The following GSG1L variants were observed in gnomAD, a reference collection of about 807,000 sequenced individuals.
GSG1L encodes the protein GSG1 like, also known as germ cell-specific gene 1-like protein.
Under a neutral mutation model 42.1 loss-of-function variants are expected in GSG1L, and 24 were observed. The ratio of observed to expected loss-of-function variants is 0.57; its 90% CI spans 0.41 to 0.80. The LOEUF (loss-of-function observed/expected upper bound fraction) is 0.80. Among genes scored for constraint, GSG1L ranks in the 30% least tolerant of loss-of-function variants. GSG1L has a pLI of 0.00. For missense variants in GSG1L, 445 were observed against 472.2 expected, an observed-to-expected ratio of 0.94 and a Z score of 0.53; for synonymous variants, 215 against 203.5, an observed-to-expected ratio of 1.06 and a Z score of -0.48.
rs117139826 is a variant in GSG1L at position 28,025,630 on chromosome 16, T to C, written c.349+37446A>G. Among the ~76,000 whole-genome samples the C allele has an allele frequency of 8.8e-3, 1,333 of 152,288 alleles. 11 individuals carry two copies. Among genetic ancestry groups the C allele is most frequent in the Non-Finnish European group, 0.015 (1,029 of 68,016 alleles). On this transcript the variant is annotated intron_variant, in intron 1 of 6. Transcript: ENST00000447459. Reference sequence around the variant, plus strand: ...TGCCTGCCCCAGCAGCAAGACATAATTGGCTTTCAATGTATGTCAGATAAA... The same window carrying C: ...TGCCTGCCCCAGCAGCAAGACATAACTGGCTTTCAATGTATGTCAGATAAA...
At chr16:28,047,971 C>T (rs1392542382) in intron 1 of GSG1L, among the ~76,000 whole-genome samples, 2 of 151,054 alleles carry the variant, frequency 1.3e-5, no homozygotes, top group African/African-American at 4.9e-5. Context: ...GTAATCCTAG[C>T]ACTTTGGGAG....
rs1004003242 is a variant in GSG1L at position 28,059,197 on chromosome 16, G to A, written c.349+3879C>T. Reference sequence around the variant, plus strand: ...CTGGGAGTTTCCTGCCTGAAACCACGCTGCTAGTAAGAGGCTGAGCCCAGC... The same window carrying A: ...CTGGGAGTTTCCTGCCTGAAACCACACTGCTAGTAAGAGGCTGAGCCCAGC... On this transcript the variant is annotated intron_variant, in intron 1 of 6. Coordinates refer to ENST00000447459, the MANE Select transcript of GSG1L (RefSeq NM_001109763.2). This position sits in a 1 kb window ranked among gnomAD's most constrained non-coding sequence, Gnocchi z 4.4. 1.3e-5 allele frequency among the ~76,000 whole-genome samples: 2 copies of A among 152,054 alleles called. No individual in the cohort carries two copies. Among genetic ancestry groups the A allele is most frequent in the Admixed American group, 6.6e-5 (1 of 15,262 alleles).
chr16:27,970,805 C>T (rs1297459707), intron 1 of GSG1L, among the ~76,000 whole-genome samples: 1 of 152,016 alleles, frequency 6.6e-6, no homozygotes, highest in Non-Finnish European at 1.5e-5. Flanking sequence ...ATTTATGTCT[C>T]TTATCCATTT....
chr16:27,808,454 TG>T (rs1368185504), intron 5 of GSG1L, among the ~76,000 whole-genome samples: 1 of 151,366 alleles, frequency 6.6e-6, no homozygotes, highest in Non-Finnish European at 1.5e-5. Flanking sequence ...AGTCTCGCTC[TG>T]TTGCCCAGGC....
chr16:27,983,020 T>C (rs1414909275), intron 1 of GSG1L, among the ~76,000 whole-genome samples: 1 of 152,110 alleles, frequency 6.6e-6, no homozygotes, highest in Non-Finnish European at 1.5e-5. Flanking sequence ...TGTGCTGACA[T>C]GTTACATGAG....
At chr16:27,928,995 T>C (rs1055895009) in intron 2 of GSG1L, among the ~76,000 whole-genome samples, 1 of 152,202 alleles carries the variant, frequency 6.6e-6, no homozygotes. Flanking sequence ...CCTGGTCACA[T>C]GTAAGTATCT....
intron 1 of GSG1L, among the ~76,000 whole-genome samples, chr16:28,011,232 G>A (rs933083500): frequency 4.6e-5 from 7 of 152,236 alleles, no homozygotes; most frequent in African/African-American, 1.7e-4. Flanking sequence ...AAGAGCCTGG[G>A]CCTGGCCTGG....
At chr16:27,969,706 C>T (rs2085172033) in intron 1 of GSG1L, among the ~76,000 whole-genome samples, 1 of 152,138 alleles carries the variant, frequency 6.6e-6, no homozygotes, top group South Asian at 2.1e-4. Context: ...GTTTTTGTTT[C>T]TCTTGGGTAT....
chr16:27,884,514 G>A lies in GSG1L; in HGVS notation c.522C>T (p.Ala174=). The change falls in exon 3 of 7, where the codon GCC becomes GCT. Residue 174 remains alanine (A), a synonymous_variant. Coordinates refer to ENST00000447459, the MANE Select transcript of GSG1L (RefSeq NM_001109763.2). This position sits in a 1 kb window ranked among gnomAD's most constrained non-coding sequence, Gnocchi z 4.4. The part of the protein sequence containing the change: ...SNVIDGLKLN[A]FAAVFTVLSG... ...AGAGCACCGTGAAGACAGCCGCGAA[G>A]GCATTGAGCTTGAGCCCGTCGATGA... 1 of 1,613,970 alleles carries A rather than the reference G, an allele frequency of 6.2e-7. No individual in the cohort carries two copies. The highest frequency in any genetic ancestry group is 8.5e-7 in the Non-Finnish European group (1 of 1,179,952).
At chr16:27,891,328 C>T (rs1210251943) in intron 2 of GSG1L, among the ~76,000 whole-genome samples, 1 of 152,176 alleles carries the variant, frequency 6.6e-6, no homozygotes, top group Non-Finnish European at 1.5e-5. Context: ...TCAAAAGAAT[C>T]TCTGTGTGGT....
chr16:27,951,012 G>A (rs747819099), intron 2 of GSG1L, among the ~76,000 whole-genome samples: 8 of 152,118 alleles, frequency 5.3e-5, no homozygotes, highest in Non-Finnish European at 8.8e-5. Flanking sequence ...AGAACAGAGC[G>A]AGGTTAGGGA....
chr16:27,894,008 T>A (rs1170868219), intron 2 of GSG1L, among the ~76,000 whole-genome samples: 1 of 152,196 alleles, frequency 6.6e-6, no homozygotes, highest in East Asian at 1.9e-4. Flanking sequence ...CAGCCCTGGT[T>A]TCCCAAAGTG....
intron 2 of GSG1L, among the ~76,000 whole-genome samples, chr16:27,902,974 G>T (rs537477296): frequency 3.0e-4 from 45 of 152,210 alleles, no homozygotes; most frequent in Middle Eastern, 3.4e-3. Context: ...GAACCACAGA[G>T]ACAAGGACAC....
intron 4 of GSG1L, among the ~76,000 whole-genome samples, chr16:27,831,860 A>T (rs11640035): frequency 0.099 from 14,963 of 151,368 alleles, 863 homozygotes; most frequent in African/African-American, 0.16. Flanking sequence ...TCTCTTTTCC[A>T]CTCCTCAAAA....
intron 3 of GSG1L, among the ~76,000 whole-genome samples, chr16:27,866,150 C>T (rs1179158498): frequency 6.6e-6 from 1 of 152,152 alleles, no homozygotes; most frequent in Non-Finnish European, 1.5e-5. Context: ...CTCTCTGCCT[C>T]TCTCTGTCTG....
Position 27,920,627 on chromosome 16 carries a change from A to G in GSG1L, c.398-35989T>C, listed in dbSNP as rs373938841. On this transcript the variant is annotated intron_variant, in intron 2 of 6. Coordinates refer to ENST00000447459, the MANE Select transcript of GSG1L (RefSeq NM_001109763.2). ...GAGGAGCGTGGGCCGGTCACTTGCT[A>G]TAGCAGCCATCCCGGGAAGTCACTG... is the stretch of plus-strand genomic sequence containing the variant. 1.2e-4 allele frequency among the ~76,000 whole-genome samples: 19 copies of G among 152,332 alleles called. 1 individual carries two copies. In the East Asian group the frequency reaches 2.7e-3, roughly 22 times the overall value.
chr16:27,804,230 C>T (rs542160811), intron 6 of GSG1L, among the ~76,000 whole-genome samples: 3 of 152,242 alleles, frequency 2.0e-5, no homozygotes, highest in South Asian at 2.1e-4. Flanking sequence ...CTGCCACCGT[C>T]GGCCCCTCCA....
intron 2 of GSG1L, among the ~76,000 whole-genome samples, chr16:27,941,921 G>A (rs1274176496): frequency 6.6e-6 from 1 of 152,104 alleles, no homozygotes; most frequent in African/African-American, 2.4e-5. Flanking sequence ...ATAGGAAGTA[G>A]AATGGTGATT....
At chr16:27,803,056 T>A (rs1440395675) in intron 6 of GSG1L, among the ~76,000 whole-genome samples, 1 of 151,712 alleles carries the variant, frequency 6.6e-6, no homozygotes, top group Non-Finnish European at 1.5e-5. Flanking sequence ...ACATTGCCCT[T>A]CACAAACTGA....
Sources: allele counts gnomAD v4.1 joint callset (sites outside exome capture counted in the v4.1 genomes callset), GRCh38; gene constraint gnomAD v4.1.1; non-coding constraint Gnocchi (gnomAD v3.1); transcripts MANE v1.5; gene names NCBI Gene and HGNC (gene_info 2026-07-23, HGNC 2026-07-21).